Variants in MXRA8 observed in about 807,000 individuals in gnomAD.
MXRA8 encodes matrix remodeling associated 8.
In MXRA8, 44 loss-of-function variants were observed where a neutral mutation model predicts 51.4. The observed-to-expected ratio is 0.86, with a 90% confidence interval of 0.67 to 1.10. The LOEUF is 1.10. MXRA8 is among the 50% of genes least tolerant of loss of function. MXRA8 has a pLI of 0.00. For synonymous variants in MXRA8, 369 were observed against 293.5 expected (o/e 1.26, Z -2.63); for missense variants, 765 against 638.9 (o/e 1.20, Z -2.13).
upstream of MXRA8, chr1:1,361,138 C>A: frequency 1.4e-6 from 1 of 699,708 alleles, no homozygotes; most frequent in South Asian, 1.5e-5. Context: ...CACACGGACA[C>A]ACAGAGAAGA....
At chr1:1,359,296 C>G (rs903205021), upstream of MXRA8, 41 of 985,392 alleles carry the variant, frequency 4.2e-5, no homozygotes, top group Non-Finnish European at 4.9e-5. Flanking sequence ...TGCTGGATTA[C>G]AAGCCTCCTG....
upstream of MXRA8, among the ~76,000 whole-genome samples, chr1:1,360,795 A>G (rs1644211647): frequency 6.6e-6 from 1 of 152,184 alleles, no homozygotes; most frequent in African/African-American, 2.4e-5. Context: ...GAAAAACCAC[A>G]GGCACTCAGA....
chr1:1,356,591 AG>A, intron 2 of MXRA8, 89 bp downstream of exon 2: 1 of 753,444 alleles, frequency 1.3e-6, no homozygotes, highest in Admixed American at 8.0e-5. Flanking sequence ...GGGGAGGGGC[AG>A]GGCCTGAGGA....
At chr1:1,362,206 G>C (rs937596759), upstream of MXRA8, among the ~76,000 whole-genome samples, 2 of 152,198 alleles carry the variant, frequency 1.3e-5, no homozygotes, top group African/African-American at 4.8e-5. Flanking sequence ...CGGAAGAGGA[G>C]AGCTGCCCTC....
Position 1,355,623 on chromosome 1 carries a change from T to G in MXRA8, c.203A>C (p.Asp68Ala). The G allele has an allele frequency of 6.8e-7, 1 of 1,466,648 alleles. No individual in the cohort carries two copies. The highest frequency in any genetic ancestry group is 9.0e-7 in the Non-Finnish European group (1 of 1,115,536). The allele number at this position is 1,466,648 out of a possible 1,614,324, so 90.9% of individuals were successfully genotyped here. A position where few individuals can be genotyped will look rare whatever the true frequency, so the allele number is the denominator to read the frequency against. ...RMVWTQDRLH[D>A]RQRVLHWDLR... is the part of the protein sequence containing the mutation. Reference sequence around the variant, plus strand: ...GTCCCAGTGGAGCACGCGCTGGCGGTCGTGCAGCCGGTCCTGGGTCCACAC... The same window carrying G: ...GTCCCAGTGGAGCACGCGCTGGCGGGCGTGCAGCCGGTCCTGGGTCCACAC... Residue 68 changes from aspartate (D) to alanine (A), a missense_variant, in exon 3 of 10, where the codon GAC becomes GCC. Transcript: ENST00000309212.
At chr1:1,357,202 G>A (rs1436716245) in intron 1 of MXRA8, among the ~76,000 whole-genome samples, 4 of 152,228 alleles carry the variant, frequency 2.6e-5, no homozygotes, top group Admixed American at 2.6e-4. Flanking sequence ...GACCCCGGCT[G>A]CCGCCCCACA....
upstream of MXRA8, chr1:1,361,817 A>G: frequency 6.1e-6 from 1 of 164,120 alleles, no homozygotes; most frequent in Non-Finnish European, 1.3e-5. Flanking sequence ...CGCTGTGGGG[A>G]GGGACGTGAG....
chr1:1,362,530 A>G (rs1434435678), upstream of MXRA8, among the ~76,000 whole-genome samples: 1 of 151,878 alleles, frequency 6.6e-6, no homozygotes, highest in Non-Finnish European at 1.5e-5. Flanking sequence ...CTGTAATCCC[A>G]GCACTTTGGG....
At position 1,353,882 on chromosome 1, in the gene MXRA8, G is replaced by C. The variant is rs371661982; in HGVS notation, c.1269C>G (p.Ser423Arg). 6 of 1,607,358 alleles carry C rather than the reference G, an allele frequency of 3.7e-6. No individual in the cohort carries two copies. In the African/African-American group the frequency reaches 4.0e-5, roughly 11 times the overall value. ...GGTCGATGTACTTGGCAGGCAGGGG[G>C]CTGTGGGCCAGCTCCGCCCTCTCCT... ...ILKERAELAH[S>R]PLPAKYIDLD... Residue 423 changes from serine to arginine, a missense_variant, in exon 9 of 10, where the codon AGC (serine) becomes AGG (arginine). By Grantham distance (110) the Ser-to-Arg change is moderately radical. Coordinates refer to ENST00000309212, the MANE Select transcript of MXRA8 (RefSeq NM_032348.4).
At chr1:1,363,518 T>C (rs1644241094), upstream of MXRA8, among the ~76,000 whole-genome samples, 1 of 150,906 alleles carries the variant, frequency 6.6e-6, no homozygotes, top group East Asian at 2.0e-4. Context: ...CACCGCAACC[T>C]CTGCCTTCCA....
upstream of MXRA8, among the ~76,000 whole-genome samples, chr1:1,362,161 C>T (rs1644230180): frequency 6.6e-6 from 1 of 152,184 alleles, no homozygotes; most frequent in Admixed American, 6.5e-5. Context: ...GGAGGCAGGG[C>T]TGTCTGTGGA....
chr1:1,353,516 G>C lies in MXRA8; in HGVS notation c.*88C>G. 1.3e-6 allele frequency: 2 copies of C among 1,515,958 alleles called. No homozygotes were observed. Among genetic ancestry groups the C allele is most frequent in the South Asian group, 1.2e-5 (1 of 80,116 alleles). The allele number at this position is 1,515,958 out of a possible 1,614,324, so 93.9% of individuals were successfully genotyped here. A position where few individuals can be genotyped will look rare whatever the true frequency, so the allele number is the denominator to read the frequency against. Reference sequence around the variant, plus strand: ...AAAGCGGGACCAGCCGCTGGAAGGGGGGTGAGCCCCGGAGCATCAGGAGAT... The same window carrying C: ...AAAGCGGGACCAGCCGCTGGAAGGGCGGTGAGCCCCGGAGCATCAGGAGAT... On this transcript the variant is annotated 3_prime_UTR_variant, in exon 10 of 10. Transcript: ENST00000309212.
upstream of MXRA8, among the ~76,000 whole-genome samples, chr1:1,362,780 CAAAAA>C (rs70949575): frequency 1.4e-5 from 2 of 141,174 alleles, no homozygotes; most frequent in African/African-American, 5.5e-5. Context: ...GACTCCATCT[CAAAAA>C]AAAAAAAAAA....
Position 1,355,753 on chromosome 1 carries a change from C to G in MXRA8, c.74-1G>C, listed in dbSNP as rs1644113494. 8.7e-7 allele frequency: 1 copy of G among 1,143,754 alleles called. No individual in the cohort carries two copies. The highest frequency in any genetic ancestry group is 1.1e-6 in the Non-Finnish European group (1 of 931,782). 70.9% of individuals were successfully genotyped at this position (1,143,754 alleles called of 1,614,324 possible). ...CCAGCAGCGGCGGGTACCGAGGACC[C>G]TGGTGGGGGAGGGGAGTCGGTGGGG... On this transcript the variant is annotated splice_acceptor_variant, in intron 2 of 9. Coordinates refer to ENST00000309212, the MANE Select transcript of MXRA8 (RefSeq NM_032348.4). LOFTEE classifies it high-confidence loss of function.
chr1:1,355,672 G>A lies in MXRA8; in HGVS notation c.154C>T (p.Leu52=). The change falls in exon 3 of 10, where the codon CTG becomes TTG. Residue 52 remains leucine, a synonymous_variant. Transcript: ENST00000309212. ...VSWEAGARAV[L]RCQSPRMVWT... ...ACCATGCGCGGGCTCTGGCAGCGCA[G>A]CACCGCCCGGGCGCCCGCCTCCCAG... 2 of 1,369,378 alleles carry A rather than the reference G, an allele frequency of 1.5e-6. No homozygotes were observed. The highest frequency in any genetic ancestry group is 2.6e-4 in the Middle Eastern group (1 of 3,800). The allele number at this position is 1,369,378 out of a possible 1,614,324, so 84.8% of individuals were successfully genotyped here. A position where few individuals can be genotyped will look rare whatever the true frequency, so the allele number is the denominator to read the frequency against.
In MXRA8 at chr1:1,355,176, G is replaced by C. The variant is rs183729313; in HGVS notation, c.479-24C>G. The C allele has an allele frequency of 1.7e-3, 2,393 of 1,391,048 alleles. 29 individuals are homozygous for C. The African/African-American group carries it at 0.032, about 19-fold the overall frequency. 86.2% of individuals were successfully genotyped at this position (1,391,048 alleles called of 1,614,324 possible). A position where few individuals can be genotyped will look rare whatever the true frequency, so the allele number is the denominator to read the frequency against. On this transcript the variant is annotated intron_variant, in intron 4 of 9. Transcript: ENST00000309212. Reference sequence around the variant, plus strand: ...GGCTGCGGAGGGGGCGCGGTCAGCGGCGCGCGGGCCGGGGCGGCGGTCGAG... The same window carrying C: ...GGCTGCGGAGGGGGCGCGGTCAGCGCCGCGCGGGCCGGGGCGGCGGTCGAG...
At chr1:1,361,126 G>A, upstream of MXRA8, 1 of 697,162 alleles carries the variant, frequency 1.4e-6, no homozygotes, top group Non-Finnish European at 2.6e-6. Context: ...TGCACATGAA[G>A]ACACACGGAC....
At chr1:1,361,599 TA>T (rs1339077129), upstream of MXRA8, 7 of 433,508 alleles carry the variant, frequency 1.6e-5, no homozygotes, top group African/African-American at 1.0e-4. Flanking sequence ...GTGTGTGTGG[TA>T]GGGGGGCCAC....
At chr1:1,362,000 A>G (rs1644227693), upstream of MXRA8, among the ~76,000 whole-genome samples, 1 of 152,268 alleles carries the variant, frequency 6.6e-6, no homozygotes, top group South Asian at 2.1e-4. Context: ...TTGTTTATCA[A>G]AAACAAAAGA....
Sources: allele counts gnomAD v4.1 joint callset (sites outside exome capture counted in the v4.1 genomes callset), GRCh38; gene constraint gnomAD v4.1.1; transcripts MANE v1.5; gene names NCBI Gene and HGNC (gene_info 2026-07-23, HGNC 2026-07-21).